Variants in PCDHGA2 observed in about 807,000 individuals in gnomAD.
PCDHGA2 encodes protocadherin gamma subfamily A, 2.
In PCDHGA2, 40 loss-of-function variants were observed where a neutral mutation model predicts 59.2. The ratio of observed to expected loss-of-function variants is 0.68; its 90% CI spans 0.52 to 0.88. PCDHGA2 has a LOEUF of 0.88. Among genes scored for constraint, PCDHGA2 ranks in the 40% least tolerant of loss-of-function variants. The pLI, the probability that PCDHGA2 is intolerant of heterozygous loss-of-function variation, is 0.00. For synonymous variants in PCDHGA2, 560 were observed against 526.0 expected, an observed-to-expected ratio of 1.06 and a Z score of -0.89; for missense variants, 1,226 against 1,204.0, an observed-to-expected ratio of 1.02 and a Z score of -0.27.
At chr5:141,417,710 T>A in intron 1 of PCDHGA2, 2 of 1,249,348 alleles carry the variant, frequency 1.6e-6, no homozygotes, top group Admixed American at 5.9e-5. Context: ...ACACAGAGGC[T>A]CCCGGCTGCG....
At chr5:141,397,706 T>G (rs2093559040) in intron 1 of PCDHGA2, among the ~76,000 whole-genome samples, 1 of 152,246 alleles carries the variant, frequency 6.6e-6, no homozygotes, top group African/African-American at 2.4e-5. Flanking sequence ...CAACGTGATA[T>G]TTCTAACAAT....
chr5:141,374,326 C>T (rs1343594345), intron 1 of PCDHGA2: 6 of 1,613,980 alleles, frequency 3.7e-6, no homozygotes, highest in East Asian at 4.5e-5. Context: ...ATCCGCGAAA[C>T]GGCAGCTTGG....
intron 2 of PCDHGA2, among the ~76,000 whole-genome samples, chr5:141,503,638 T>C (rs1467962880): frequency 1.3e-5 from 2 of 151,908 alleles, no homozygotes; most frequent in Non-Finnish European, 2.9e-5. Flanking sequence ...AAATAATTAT[T>C]GAATCAATGG....
rs776330769 is a variant in PCDHGA2 at position 141,413,206 on chromosome 5, T to G, written c.2424+71811T>G. The stretch of plus-strand genomic sequence containing the variant: ...CGCTCAAAGGAATCGCTCAAAGGAA[T>G]CAAAGGATTGCAGCGGGCTGGTCCT... On this transcript the variant is annotated intron_variant, in intron 1 of 3. Transcript: ENST00000394576. 4.3e-6 allele frequency: 7 copies of G among 1,612,936 alleles called. 1 individual carries two copies. In the South Asian group the frequency reaches 7.7e-5, roughly 18 times the overall value.
intron 1 of PCDHGA2, chr5:141,382,739 G>C (rs1005950630): frequency 5.2e-6 from 3 of 573,658 alleles, no homozygotes; most frequent in Non-Finnish European, 5.9e-6. Context: ...ACAGAGAAAC[G>C]ACAGATTGCG....
chr5:141,367,678 G>A (rs1215387701), intron 1 of PCDHGA2: 1 of 152,144 alleles, frequency 6.6e-6, no homozygotes, highest in Non-Finnish European at 1.5e-5. Context: ...GGCTTGTTGA[G>A]AGAAGAAATC....
chr5:141,464,622 CT>C (rs947370342), intron 1 of PCDHGA2, among the ~76,000 whole-genome samples: 8 of 152,058 alleles, frequency 5.3e-5, no homozygotes, highest in African/African-American at 1.9e-4. Flanking sequence ...TATTGTCAAG[CT>C]TTTTAATTGT....
chr5:141,385,604 C>T, intron 1 of PCDHGA2: 1 of 1,188,174 alleles, frequency 8.4e-7, no homozygotes, highest in Non-Finnish European at 1.1e-6. Flanking sequence ...TTTCTTAACT[C>T]ATATATTTTA....
At chr5:141,343,399 T>G in intron 1 of PCDHGA2, 1 of 978,656 alleles carries the variant, frequency 1.0e-6, no homozygotes, top group Non-Finnish European at 1.2e-6. Flanking sequence ...GGTGGATATC[T>G]TATCAAATAA....
intron 1 of PCDHGA2, among the ~76,000 whole-genome samples, chr5:141,454,859 G>A (rs2098805080): frequency 7.9e-6 from 1 of 126,982 alleles, no homozygotes; most frequent in African/African-American, 3.1e-5. Flanking sequence ...CCAGGCTGGA[G>A]TGCAGTGGCA....
chr5:141,433,299 T>G, intron 1 of PCDHGA2: 1 of 995,012 alleles, frequency 1.0e-6, no homozygotes, highest in Non-Finnish European at 1.5e-6. Flanking sequence ...GCTCAAGCAA[T>G]TATCCCACCT....
chr5:141,340,778 T>C lies in PCDHGA2; in HGVS notation c.1807T>C (p.Trp603Arg). The change falls in exon 1 of 4, where the codon TGG (tryptophan) becomes CGG (arginine). Residue 603 changes from tryptophan (W) to arginine (R), a missense_variant. Transcript: ENST00000394576. Reference sequence around the variant, plus strand: ...GGACAGAGACTCGGGCCAGAACGCCTGGCTGTCTTACCACCTGCTCAAGGC... The same window carrying C: ...GGACAGAGACTCGGGCCAGAACGCCCGGCTGTCTTACCACCTGCTCAAGGC... ...AVDRDSGQNAWLSYHLLKASE... is the reference protein window; with the variant it reads ...AVDRDSGQNARLSYHLLKASE... 2 of 1,613,492 alleles carry C rather than the reference T, an allele frequency of 1.2e-6. No homozygotes were observed. Among genetic ancestry groups the C allele is most frequent in the Middle Eastern group, 1.7e-4 (1 of 5,934 alleles).
In PCDHGA2 at chr5:141,341,259, C is replaced by A; in HGVS notation, c.2288C>A (p.Ser763Ter). 6.2e-7 allele frequency: 1 copy of A among 1,614,192 alleles called. No homozygotes were observed. The highest frequency in any genetic ancestry group is 8.5e-7 in the Non-Finnish European group (1 of 1,180,026). Residue 763 changes from serine (S) to a stop codon, truncating the protein, a stop_gained, in exon 1 of 4, where the codon TCG (serine) becomes TAG (stop). Coordinates refer to ENST00000394576, the MANE Select transcript of PCDHGA2 (RefSeq NM_018915.4). LOFTEE classifies it high-confidence loss of function. Reference protein sequence around the residue: ...YSHEVSLTADSRKSHLIFPQP... With the variant: ...YSHEVSLTAD The stretch of plus-strand genomic sequence containing the variant: ...CACGAGGTCTCCCTCACTGCGGACT[C>A]GCGGAAGAGCCACCTGATTTTCCCC...
chr5:141,405,995 A>T (rs985162414), intron 1 of PCDHGA2, among the ~76,000 whole-genome samples: 1 of 151,964 alleles, frequency 6.6e-6, no homozygotes. Context: ...GGTAGCTCTC[A>T]GCCTGCATTG....
chr5:141,409,647 G>A, intron 1 of PCDHGA2: 2 of 1,613,668 alleles, frequency 1.2e-6, no homozygotes, highest in Non-Finnish European at 1.7e-6. Context: ...CCGGATTTGG[G>A]GCTCAATGGC....
intron 1 of PCDHGA2, among the ~76,000 whole-genome samples, chr5:141,437,886 C>T (rs763669578): frequency 1.1e-4 from 17 of 152,140 alleles, no homozygotes; most frequent in Non-Finnish European, 1.5e-4. Context: ...TACAGGCACA[C>T]GCCACCACAC....
intron 1 of PCDHGA2, among the ~76,000 whole-genome samples, chr5:141,463,460 T>TTTC (rs1554144872): frequency 7.4e-6 from 1 of 136,038 alleles, no homozygotes; most frequent in South Asian, 2.5e-4. Context: ...TTTTTTTTTT[T>TTTC]TTTTTTGAGA....
At chr5:141,415,185 C>T (rs375113497) in intron 1 of PCDHGA2, 2 of 1,613,978 alleles carry the variant, frequency 1.2e-6, no homozygotes, top group Non-Finnish European at 8.5e-7. Flanking sequence ...CCGTGGCCGA[C>T]AGCATCCCCC....
At position 141,432,782 on chromosome 5, in the gene PCDHGA2, C is replaced by G. The variant is rs547164205; in HGVS notation, c.2425-62025C>G. On this transcript the variant is annotated intron_variant, in intron 1 of 3. Transcript: ENST00000394576. The surrounding 1 kb of genome is among the most constrained non-coding windows in gnomAD (Gnocchi z 6.0). ...CAGCATCCCCCAAGTCCTGGCGGACCTCGGCAGCCTCGAGTCTCCAGCTAA... is the reference window on the plus strand; with the variant it reads ...CAGCATCCCCCAAGTCCTGGCGGACGTCGGCAGCCTCGAGTCTCCAGCTAA... 4.3e-6 allele frequency: 7 copies of G among 1,614,046 alleles called. No individual in the cohort carries two copies. The highest frequency in any genetic ancestry group is 3.3e-4 in the Middle Eastern group (2 of 6,084).
Sources: allele counts gnomAD v4.1 joint callset (sites outside exome capture counted in the v4.1 genomes callset), GRCh38; gene constraint gnomAD v4.1.1; non-coding constraint Gnocchi (gnomAD v3.1); transcripts MANE v1.5; gene names NCBI Gene and HGNC (gene_info 2026-07-23, HGNC 2026-07-21).